PDE10A: variants seen among roughly 807,000 people sequenced by gnomAD.
PDE10A encodes the protein phosphodiesterase 10A, also known as cAMP and cAMP-inhibited cGMP 3',5'-cyclic phosphodiesterase 10A.
In PDE10A, 39 loss-of-function variants were observed where a neutral mutation model predicts 97.7. The ratio of observed to expected loss-of-function variants is 0.40; its 90% confidence interval spans 0.31 to 0.52. The LOEUF is 0.52. PDE10A is among the 20% of genes least tolerant of loss of function. The pLI, the probability that PDE10A is intolerant of heterozygous loss-of-function variation, is 0.56. For synonymous variants in PDE10A, 371 were observed against 376.8 expected, an observed-to-expected ratio of 0.98 and a Z score of 0.18; for missense variants, 731 against 1,047.8, an observed-to-expected ratio of 0.70 and a Z score of 4.17.
intron 1 of PDE10A, among the ~76,000 whole-genome samples, chr6:165,802,281 G>T (rs912155263): frequency 6.6e-6 from 1 of 152,294 alleles, no homozygotes; most frequent in African/African-American, 2.4e-5. Context: ...CTCAGCAGCT[G>T]GGAATGGCCC....
At chr6:165,904,407 A>T (rs1782207610) in intron 1 of PDE10A, among the ~76,000 whole-genome samples, 1 of 152,216 alleles carries the variant, frequency 6.6e-6, no homozygotes, top group Admixed American at 6.5e-5. Context: ...AACAATGAAG[A>T]GAGGTCATTG....
chr6:165,463,885 G>C (rs1325265243), intron 3 of PDE10A, among the ~76,000 whole-genome samples: 1 of 152,232 alleles, frequency 6.6e-6, no homozygotes, highest in Non-Finnish European at 1.5e-5. Flanking sequence ...AGTGATCTGT[G>C]CCTTAAGGAC....
At chr6:165,842,706 A>T (rs1780295953) in intron 1 of PDE10A, among the ~76,000 whole-genome samples, 1 of 152,186 alleles carries the variant, frequency 6.6e-6, no homozygotes, top group Admixed American at 6.5e-5. Flanking sequence ...TTTTATCCTC[A>T]TCACTATCTC....
At chr6:165,663,336 C>G (rs984550719), upstream of PDE10A, among the ~76,000 whole-genome samples, 3 of 152,066 alleles carry the variant, frequency 2.0e-5, no homozygotes, top group South Asian at 4.1e-4. Context: ...GCCAGGCTCC[C>G]GCACCCGAGT....
intron 2 of PDE10A, among the ~76,000 whole-genome samples, chr6:165,518,972 T>C (rs954508508): frequency 1.3e-5 from 2 of 152,170 alleles, no homozygotes; most frequent in African/African-American, 4.8e-5. Context: ...TATCAGTGCA[T>C]ACAGGGAAAC....
intron 1 of PDE10A, among the ~76,000 whole-genome samples, chr6:165,773,911 C>T (rs1185287999): frequency 6.6e-6 from 1 of 152,016 alleles, no homozygotes; most frequent in Non-Finnish European, 1.5e-5. Flanking sequence ...TTACAACTAT[C>T]ATATGATTCA....
intron 1 of PDE10A, among the ~76,000 whole-genome samples, chr6:165,654,777 G>A (rs1428808414): frequency 6.6e-6 from 1 of 152,118 alleles, no homozygotes; most frequent in Non-Finnish European, 1.5e-5. Flanking sequence ...TCTCCCGACC[G>A]AGGCCACGGA....
chr6:165,899,566 A>T (rs1782048075), intron 1 of PDE10A, among the ~76,000 whole-genome samples: 1 of 152,236 alleles, frequency 6.6e-6, no homozygotes, highest in South Asian at 2.1e-4. Flanking sequence ...GCTTATAATT[A>T]CACATTCAGG....
intron 16 of PDE10A, among the ~76,000 whole-genome samples, 194 bp downstream of exon 16, chr6:165,392,452 A>G (rs1188941733): frequency 1.3e-5 from 2 of 152,204 alleles, no homozygotes; most frequent in Non-Finnish European, 2.9e-5. Flanking sequence ...AATTTCTTTT[A>G]TCTACATTTC....
chr6:165,846,868 C>T (rs1358248174), intron 1 of PDE10A, among the ~76,000 whole-genome samples: 1 of 152,198 alleles, frequency 6.6e-6, no homozygotes, highest in East Asian at 1.9e-4. Context: ...ATTTGAGGGA[C>T]TGCAGCTTCT....
intron 1 of PDE10A, among the ~76,000 whole-genome samples, chr6:165,679,574 A>G (rs1790919929): frequency 6.6e-6 from 1 of 152,206 alleles, no homozygotes; most frequent in Admixed American, 6.5e-5. Context: ...CTGTCACAGC[A>G]CAGGAACGCC....
At chr6:165,972,773 C>A (rs73260561) in intron 1 of PDE10A, among the ~76,000 whole-genome samples, 2,545 of 152,324 alleles carry the variant, frequency 0.017, 79 homozygotes, top group African/African-American at 0.058. Flanking sequence ...GAGGCCAGAA[C>A]AATTCTGGCA....
chr6:165,423,772 G>A (rs984413617), intron 10 of PDE10A, among the ~76,000 whole-genome samples: 12 of 151,894 alleles, frequency 7.9e-5, no homozygotes, highest in Admixed American at 2.6e-4. Context: ...GGCTGAGGCA[G>A]GAGAATGGCA....
chr6:165,781,072 A>T (rs1253850922), intron 1 of PDE10A: 2 of 152,186 alleles, frequency 1.3e-5, no homozygotes, highest in Non-Finnish European at 2.9e-5. Flanking sequence ...GGAAAGACTG[A>T]ATTAGTTCTC....
intron 1 of PDE10A, among the ~76,000 whole-genome samples, chr6:165,551,227 T>C (rs535555009): frequency 7.9e-5 from 12 of 152,210 alleles, no homozygotes; most frequent in Non-Finnish European, 1.5e-4. Context: ...AGCAGATGTA[T>C]AACTTTAAAA....
chr6:165,975,662 T>C (rs1011396723), intron 1 of PDE10A, among the ~76,000 whole-genome samples: 1 of 152,240 alleles, frequency 6.6e-6, no homozygotes, highest in Non-Finnish European at 1.5e-5. Context: ...CACTTTGTTC[T>C]ATGAGTTAAA....
intron 1 of PDE10A, among the ~76,000 whole-genome samples, chr6:165,580,437 C>A (rs933987309): frequency 2.0e-5 from 3 of 152,164 alleles, no homozygotes; most frequent in Admixed American, 2.0e-4. Flanking sequence ...AGAAATGAGG[C>A]TGGTTTTTGT....
chr6:165,592,231 G>T (rs1224032400), intron 1 of PDE10A, among the ~76,000 whole-genome samples: 2 of 145,028 alleles, frequency 1.4e-5, no homozygotes, highest in African/African-American at 5.1e-5. Flanking sequence ...TTAATAAATG[G>T]TGTAGGGAAA....
intron 13 of PDE10A, among the ~76,000 whole-genome samples, chr6:165,409,144 G>A (rs540013521): frequency 6.6e-5 from 9 of 137,284 alleles, no homozygotes; most frequent in South Asian, 4.8e-4. Flanking sequence ...CAGCCTGGGC[G>A]ACAGGGTGAG....
Sources: allele counts gnomAD v4.1 joint callset (sites outside exome capture counted in the v4.1 genomes callset), GRCh38; gene constraint gnomAD v4.1.1; transcripts MANE v1.5; gene names NCBI Gene and HGNC (gene_info 2026-07-23, HGNC 2026-07-21).